MINDY4: variants seen among roughly 807,000 people sequenced by gnomAD.
MINDY4 encodes the protein probable ubiquitin carboxyl-terminal hydrolase MINDY-4.
In MINDY4, 68 loss-of-function variants were observed where a neutral mutation model predicts 87.0. The observed-to-expected ratio is 0.78, with a 90% CI of 0.64 to 0.96. The LOEUF is 0.96. MINDY4 is among the 40% of genes least tolerant of loss of function. MINDY4 has a pLI of 0.00. For missense variants in MINDY4, 919 were observed against 928.2 expected (o/e 0.99, Z 0.13); for synonymous variants, 379 against 363.2 (o/e 1.04, Z -0.50).
chr7:30,816,347 C>T (rs1788149948), intron 5 of MINDY4, among the ~76,000 whole-genome samples: 1 of 152,104 alleles, frequency 6.6e-6, no homozygotes, highest in African/African-American at 2.4e-5. Flanking sequence ...TCCAGCCTGA[C>T]TCAAGGAACA....
At chr7:30,836,573 G>C (rs953742623) in intron 6 of MINDY4, 85 bp from the exon 7 acceptor site, 60 of 1,064,744 alleles carry the variant, frequency 5.6e-5, no homozygotes, top group Non-Finnish European at 7.3e-5. Flanking sequence ...TACAAACTTA[G>C]CAATGTCTGT....
intron 5 of MINDY4, among the ~76,000 whole-genome samples, chr7:30,792,421 C>G (rs1278495262): frequency 1.3e-5 from 2 of 152,108 alleles, no homozygotes; most frequent in Non-Finnish European, 2.9e-5. Context: ...TTTTCTATCC[C>G]CTTGAAGAGT....
At chr7:30,809,195 C>T (rs1201431466) in intron 5 of MINDY4, among the ~76,000 whole-genome samples, 2 of 152,040 alleles carry the variant, frequency 1.3e-5, no homozygotes, top group Non-Finnish European at 2.9e-5. Flanking sequence ...GGGTGTATCC[C>T]GAAAGCACTG....
At chr7:30,819,425 T>G (rs1661774322) in intron 5 of MINDY4, among the ~76,000 whole-genome samples, 1 of 152,244 alleles carries the variant, frequency 6.6e-6, no homozygotes, top group South Asian at 2.1e-4. Flanking sequence ...TGCTGTATGG[T>G]CAATATTTAT....
chr7:30,808,932 GGAGAGAGAGA>G (rs55961516), intron 5 of MINDY4, among the ~76,000 whole-genome samples: 4 of 145,206 alleles, frequency 2.8e-5, no homozygotes, highest in Non-Finnish European at 4.6e-5. Context: ...AGGGAGTCAA[GGAGAGAGAGA>G]GAGAGAGAGA....
chr7:30,891,226 C>T (rs1017883103), intron 17 of MINDY4, among the ~76,000 whole-genome samples: 17 of 152,214 alleles, frequency 1.1e-4, no homozygotes, highest in Non-Finnish European at 2.1e-4. Flanking sequence ...GTAAACACTC[C>T]ATCTGCTATA....
chr7:30,772,145 AGGGTGGAGATG>A (rs1199607822), intron 1 of MINDY4, among the ~76,000 whole-genome samples: 1 of 151,908 alleles, frequency 6.6e-6, no homozygotes, highest in Admixed American at 6.6e-5. Flanking sequence ...ATCTGGCCTC[AGGGTGGAGATG>A]GGGACCTCGG....
chr7:30,823,192 CTCTG>C (rs1381244749), intron 5 of MINDY4, among the ~76,000 whole-genome samples: 2 of 152,210 alleles, frequency 1.3e-5, no homozygotes, highest in South Asian at 2.1e-4. Context: ...GTGTATGTCA[CTCTG>C]TCTATCATTG....
intron 5 of MINDY4, among the ~76,000 whole-genome samples, chr7:30,798,654 G>A (rs1562534377): frequency 6.6e-6 from 1 of 152,108 alleles, no homozygotes; most frequent in Non-Finnish European, 1.5e-5. Flanking sequence ...CCGCCACCAC[G>A]CCTGGCTAAT....
chr7:30,867,138 C>A (rs553466802), intron 13 of MINDY4, among the ~76,000 whole-genome samples: 2 of 152,238 alleles, frequency 1.3e-5, no homozygotes, highest in East Asian at 3.9e-4. Context: ...AAAGGTCACG[C>A]AGTGCAGGTG....
In MINDY4 at chr7:30,828,683, A is replaced by G. The variant is rs199975258; in HGVS notation, c.1078A>G (p.Asn360Asp). 295 of 1,613,810 alleles carry G rather than the reference A, an allele frequency of 1.8e-4. No individual in the cohort carries two copies. The highest frequency in any genetic ancestry group is 1.1e-4 in the Non-Finnish European group (135 of 1,180,004). ...QGSQPAPVRK[N>D]QLLPSDKVDG... ...TTGATATTTTCTATTTTCCAGGAAA[A>G]ATCAGTTGCTGCCGTCTGACAAGGT... The change falls in exon 6 of 18, where the codon AAT (asparagine) becomes GAT (aspartate). Residue 360 changes from asparagine (N) to aspartate (D), a missense_variant. Physicochemically the swap from Asn to Asp is conservative, Grantham distance 23. Coordinates refer to ENST00000265299, the MANE Select transcript of MINDY4 (RefSeq NM_032222.3).
chr7:30,801,510 C>T (rs1787649876), intron 5 of MINDY4, among the ~76,000 whole-genome samples: 2 of 152,212 alleles, frequency 1.3e-5, no homozygotes, highest in Admixed American at 6.5e-5. Context: ...TCAGCCACTT[C>T]TCCCCACTTC....
intron 8 of MINDY4, 113 bp downstream of exon 8, chr7:30,839,429 C>G: frequency 1.6e-6 from 1 of 610,948 alleles, no homozygotes. Flanking sequence ...CTATTCTGGA[C>G]CAGCCAGCCC....
At chr7:30,806,953 G>T (rs1787828077) in intron 5 of MINDY4, among the ~76,000 whole-genome samples, 1 of 152,238 alleles carries the variant, frequency 6.6e-6, no homozygotes, top group Non-Finnish European at 1.5e-5. Flanking sequence ...TGTTTAAAGG[G>T]TCAAGATGCA....
chr7:30,816,904 G>A (rs1393374479), intron 5 of MINDY4, among the ~76,000 whole-genome samples: 1 of 152,194 alleles, frequency 6.6e-6, no homozygotes, highest in African/African-American at 2.4e-5. Context: ...CCTTTTATAT[G>A]TTGTAGGTCA....
At chr7:30,814,627 G>GTA (rs1788096430) in intron 5 of MINDY4, among the ~76,000 whole-genome samples, 1 of 152,172 alleles carries the variant, frequency 6.6e-6, no homozygotes, top group African/African-American at 2.4e-5. Flanking sequence ...GTGTTGCTTA[G>GTA]ATAAGCAATT....
chr7:30,833,473 T>G (rs1395237985), intron 6 of MINDY4, among the ~76,000 whole-genome samples: 1 of 152,190 alleles, frequency 6.6e-6, no homozygotes, highest in Non-Finnish European at 1.5e-5. Context: ...TCTCCCACAG[T>G]GTCCTTCCCA....
chr7:30,784,974 C>T (rs1015452205), intron 3 of MINDY4, among the ~76,000 whole-genome samples: 5 of 152,080 alleles, frequency 3.3e-5, no homozygotes, highest in African/African-American at 7.2e-5. Context: ...TCTGGGTGAT[C>T]AGAGGTAAGA....
Position 30,851,370 on chromosome 7 carries a change from A to G in MINDY4, c.1547+815A>G, listed in dbSNP as rs112376950. On this transcript the variant is annotated intron_variant, in intron 10 of 17. Coordinates refer to ENST00000265299, the MANE Select transcript of MINDY4 (RefSeq NM_032222.3). ...CATCTGGAAAATGGGGATGATTATA[A>G]CAATTACTTACTTGGATGGCTGTGA... Among the ~76,000 whole-genome samples, 1,511 of 152,340 alleles carry G rather than the reference A, an allele frequency of 9.9e-3. 21 individuals carry two copies. Among genetic ancestry groups the G allele is most frequent in the African/African-American group, 0.034 (1,414 of 41,566 alleles).
Sources: allele counts gnomAD v4.1 joint callset (sites outside exome capture counted in the v4.1 genomes callset), GRCh38; gene constraint gnomAD v4.1.1; transcripts MANE v1.5; gene names NCBI Gene and HGNC (gene_info 2026-07-23, HGNC 2026-07-21).